FIRRM: variants seen among roughly 807,000 people sequenced by gnomAD.
FIRRM encodes FIGNL1 interacting regulator of recombination and mitosis.
At chr1:169,822,561 G>A in the FIRRM span, among the ~76,000 whole-genome samples, 2 of 152,088 alleles carry the variant, frequency 1.3e-5, no homozygotes, top group South Asian at 2.1e-4. Context: ...GTGCAATGGC[G>A]TGATCTTGGC....
At chr1:169,796,894 A>T in the FIRRM span, among the ~76,000 whole-genome samples, 2 of 152,290 alleles carry the variant, frequency 1.3e-5, no homozygotes, top group Middle Eastern at 3.4e-3. Context: ...CTTGGCCCAA[A>T]TGTCACTTCC....
At chr1:169,801,697 T>C in the FIRRM span, among the ~76,000 whole-genome samples, 6 of 152,016 alleles carry the variant, frequency 3.9e-5, no homozygotes, top group East Asian at 1.2e-3. Context: ...ATTTTAGATA[T>C]ATATGGTATA....
At chr1:169,791,479 A>C in the FIRRM span, among the ~76,000 whole-genome samples, 463 of 152,342 alleles carry the variant, frequency 3.0e-3, 3 homozygotes, top group African/African-American at 0.01. Context: ...TGGGTGATGA[A>C]AGAGTGTAAA....
At chr1:169,852,170 G>A in the FIRRM span, 5 of 571,416 alleles carry the variant, frequency 8.8e-6, no homozygotes, top group Admixed American at 1.6e-4. Flanking sequence ...AACCTTTAAG[G>A]GAAGTTACAT....
chr1:169,789,698 A>G, the FIRRM span, among the ~76,000 whole-genome samples: 1 of 152,188 alleles, frequency 6.6e-6, no homozygotes, highest in Admixed American at 6.5e-5. Context: ...GGGGAATGGG[A>G]TGAGAGAGAG....
At chr1:169,799,744 G>T in the FIRRM span, among the ~76,000 whole-genome samples, 1 of 152,230 alleles carries the variant, frequency 6.6e-6, no homozygotes, top group Admixed American at 6.5e-5. Context: ...TAGAGATGGG[G>T]TTTCACCATG....
the FIRRM span, among the ~76,000 whole-genome samples, chr1:169,831,259 A>T: frequency 0.76 from 115,589 of 152,190 alleles, 44,908 homozygotes; most frequent in African/African-American, 0.93. Flanking sequence ...TGATTTCATC[A>T]TCTTAACATT....
the FIRRM span, among the ~76,000 whole-genome samples, chr1:169,809,560 AAG>A: frequency 2.4e-4 from 36 of 152,348 alleles, no homozygotes; most frequent in East Asian, 6.0e-3. Flanking sequence ...CTATAGTGGC[AAG>A]AGAGAGTATG....
At chr1:169,827,186 G>T in the FIRRM span, 1 of 1,612,256 alleles carries the variant, frequency 6.2e-7, no homozygotes. Context: ...AGGTGGTTTT[G>T]GACAGTAAAT....
At chr1:169,798,586 T>TA in the FIRRM span, among the ~76,000 whole-genome samples, 31 of 150,882 alleles carry the variant, frequency 2.1e-4, no homozygotes, top group African/African-American at 2.9e-4. Context: ...ACCCTCTCTC[T>TA]AAAAAAAAAT....
chr1:169,808,440 T>C, the FIRRM span, among the ~76,000 whole-genome samples: 3 of 152,180 alleles, frequency 2.0e-5, no homozygotes, highest in African/African-American at 7.2e-5. Context: ...TGAAACATTA[T>C]ATTCTAAAAA....
chr1:169,827,993 T>C, the FIRRM span, among the ~76,000 whole-genome samples: 3 of 152,182 alleles, frequency 2.0e-5, no homozygotes, highest in Admixed American at 6.5e-5. Context: ...ATTGCTACTT[T>C]ATAAAAGCAG....
the FIRRM span, among the ~76,000 whole-genome samples, chr1:169,816,762 G>A: frequency 2.3e-4 from 35 of 152,264 alleles, no homozygotes; most frequent in African/African-American, 5.3e-4. Context: ...AAGGTATGAG[G>A]CAAGTTTTCC....
At chr1:169,826,362 A>ATTATT in the FIRRM span, among the ~76,000 whole-genome samples, 1 of 129,874 alleles carries the variant, frequency 7.7e-6, no homozygotes, top group Non-Finnish European at 1.6e-5. Flanking sequence ...CACACCCGGC[A>ATTATT]TTTTTTTTTT....
chr1:169,799,010 TC>T, the FIRRM span: 4 of 721,006 alleles, frequency 5.5e-6, no homozygotes, highest in Non-Finnish European at 9.1e-6. Flanking sequence ...AAGGTCCGAG[TC>T]CCCACATACC....
the FIRRM span, chr1:169,821,769 T>C: frequency 2.0e-6 from 3 of 1,525,516 alleles, no homozygotes; most frequent in Middle Eastern, 1.7e-4. Context: ...GGTAAGGCTT[T>C]ATTATACGTT....
the FIRRM span, chr1:169,829,420 T>A: frequency 6.2e-7 from 1 of 1,612,998 alleles, no homozygotes; most frequent in Middle Eastern, 1.7e-4. Context: ...ATTTATTACT[T>A]CCTTTCATCC....
chr1:169,811,821 CTATCTAAA>C, the FIRRM span, among the ~76,000 whole-genome samples: 4 of 145,328 alleles, frequency 2.8e-5, no homozygotes, highest in Admixed American at 6.9e-5. Flanking sequence ...GACAGATTAT[CTATCTAAA>C]TAGATAATAG....
chr1:169,788,800 G>T, the FIRRM span, among the ~76,000 whole-genome samples: 1 of 152,140 alleles, frequency 6.6e-6, no homozygotes, highest in Non-Finnish European at 1.5e-5. Context: ...TAATATTTAA[G>T]TTAGATAATA....
Sources: gnomAD v4.1 joint callset for allele counts (sites outside exome capture counted in the v4.1 genomes callset) on GRCh38, gnomAD v4.1.1 for gene constraint, MANE v1.5 for transcripts, NCBI Gene and HGNC (gene_info 2026-07-23, HGNC 2026-07-21) for gene names.